The following ELMO1 variants were observed in gnomAD, a reference collection of about 807,000 sequenced individuals.
ELMO1 encodes engulfment and cell motility 1, also known as engulfment and cell motility protein 1.
A neutral mutation model predicts 98.9 loss-of-function variants in ELMO1; 26 were observed. The observed-to-expected ratio is 0.26, with a 90% CI of 0.19 to 0.36. The LOEUF (loss-of-function observed/expected upper bound fraction) is 0.36. Ranked by LOEUF, ELMO1 falls within the 10% of genes least tolerant of loss-of-function variation. ELMO1 has a pLI of 1.00. For synonymous variants in ELMO1, 346 were observed against 346.0 expected (o/e 1.00, Z 0.00); for missense variants, 627 against 935.2 (o/e 0.67, Z 4.30).
intron 1 of ELMO1, among the ~76,000 whole-genome samples, chr7:37,346,508 CTG>C (rs1361928034): frequency 6.6e-6 from 1 of 152,192 alleles, no homozygotes; most frequent in African/African-American, 2.4e-5. Flanking sequence ...AGCAAACAAT[CTG>C]TACTTCGGAC....
chr7:36,996,653 A>C (rs1792236132), intron 16 of ELMO1, among the ~76,000 whole-genome samples: 1 of 152,250 alleles, frequency 6.6e-6, no homozygotes. Flanking sequence ...TAGCTGAGTA[A>C]GTTAAGTGCT....
intron 15 of ELMO1, among the ~76,000 whole-genome samples, chr7:37,079,355 GT>G (rs1278141285): frequency 6.6e-6 from 1 of 152,138 alleles, no homozygotes; most frequent in East Asian, 1.9e-4. Flanking sequence ...TGTCTAACTT[GT>G]TGATTAGAAA....
chr7:37,398,912 A>C (rs1583687352), intron 1 of ELMO1, among the ~76,000 whole-genome samples: 1 of 152,180 alleles, frequency 6.6e-6, no homozygotes, highest in Non-Finnish European at 1.5e-5. Flanking sequence ...CTCCATGAGC[A>C]TTATTACAGC....
intron 1 of ELMO1, among the ~76,000 whole-genome samples, chr7:37,390,829 T>A (rs1803036932): frequency 6.6e-6 from 1 of 152,190 alleles, no homozygotes; most frequent in Admixed American, 6.5e-5. Flanking sequence ...CACTTTTAGA[T>A]GAGAGGACAA....
chr7:37,034,892 T>C (rs1026256599), intron 15 of ELMO1, among the ~76,000 whole-genome samples: 2 of 152,220 alleles, frequency 1.3e-5, no homozygotes, highest in Non-Finnish European at 1.5e-5. Flanking sequence ...CCAGAGCTCC[T>C]TCTTGTACAA....
chr7:37,433,722 G>A (rs1223973263), intron 1 of ELMO1, among the ~76,000 whole-genome samples: 1 of 152,096 alleles, frequency 6.6e-6, no homozygotes, highest in Non-Finnish European at 1.5e-5. Context: ...CTCAAGGAAA[G>A]CCCCCCAAAA....
chr7:37,086,814 C>G (rs1157331204), intron 15 of ELMO1, among the ~76,000 whole-genome samples: 1 of 129,180 alleles, frequency 7.7e-6, no homozygotes, highest in Non-Finnish European at 1.7e-5. Context: ...TCTCCCTTAC[C>G]AATTCTCATG....
intron 18 of ELMO1, among the ~76,000 whole-genome samples, chr7:36,881,155 C>T (rs766848571): frequency 3.3e-5 from 5 of 152,164 alleles, no homozygotes; most frequent in Non-Finnish European, 7.3e-5. Flanking sequence ...GGGCTGAAAA[C>T]GCTGAGAAAC....
chr7:37,053,488 C>T (rs1796230353), intron 15 of ELMO1, among the ~76,000 whole-genome samples: 2 of 152,176 alleles, frequency 1.3e-5, no homozygotes, highest in African/African-American at 2.4e-5. Context: ...TCCTCTTAAA[C>T]TTCCCTACTC....
intron 13 of ELMO1, chr7:37,197,087 T>C (rs1162374276): frequency 1.3e-5 from 2 of 152,232 alleles, no homozygotes; most frequent in Non-Finnish European, 2.9e-5. Flanking sequence ...AAAGGGTTAA[T>C]AAATACCCCT....
chr7:37,313,625 C>T (rs371639905), intron 4 of ELMO1, among the ~76,000 whole-genome samples: 4 of 152,160 alleles, frequency 2.6e-5, no homozygotes, highest in South Asian at 2.1e-4. Flanking sequence ...CTGGGAAGAA[C>T]GAAGCAATTT....
At chr7:37,248,541 G>C (rs969745172) in intron 6 of ELMO1, among the ~76,000 whole-genome samples, 3 of 152,236 alleles carry the variant, frequency 2.0e-5, no homozygotes, top group Non-Finnish European at 2.9e-5. Flanking sequence ...ATTTCTGGGA[G>C]AGCCCTCAAG....
At chr7:37,427,889 C>T (rs1804771675) in intron 1 of ELMO1, among the ~76,000 whole-genome samples, 1 of 152,198 alleles carries the variant, frequency 6.6e-6, no homozygotes, top group Non-Finnish European at 1.5e-5. Flanking sequence ...CTCAAGTCTG[C>T]CAGCTTGGAG....
intron 1 of ELMO1, among the ~76,000 whole-genome samples, chr7:37,403,136 CA>C (rs1243907819): frequency 6.6e-6 from 1 of 152,112 alleles, no homozygotes; most frequent in African/African-American, 2.4e-5. Flanking sequence ...TATTAGGCCA[CA>C]AAAAGACATG....
intron 1 of ELMO1, among the ~76,000 whole-genome samples, chr7:37,368,852 C>A (rs1244882180): frequency 2.6e-5 from 4 of 152,188 alleles, no homozygotes; most frequent in Non-Finnish European, 5.9e-5. Context: ...AGCATCTGGA[C>A]TACATTGGGC....
intron 4 of ELMO1, among the ~76,000 whole-genome samples, chr7:37,298,435 C>A (rs1403836539): frequency 7.6e-6 from 1 of 130,882 alleles, no homozygotes; most frequent in Non-Finnish European, 1.6e-5. Context: ...GTATATCTCC[C>A]AATGCTATCC....
intron 16 of ELMO1, among the ~76,000 whole-genome samples, chr7:36,978,098 G>T (rs1343902526): frequency 1.3e-5 from 2 of 152,156 alleles, no homozygotes; most frequent in African/African-American, 4.8e-5. Context: ...AATAAATTGA[G>T]CAAGAAAATG....
At chr7:36,980,659 AG>A (rs1790970755) in intron 16 of ELMO1, among the ~76,000 whole-genome samples, 1 of 152,246 alleles carries the variant, frequency 6.6e-6, no homozygotes, top group Admixed American at 6.5e-5. Flanking sequence ...GCAAATTAGT[AG>A]ACTTCCAAAT....
chr7:37,086,765 A>AAAAAG lies in ELMO1; in HGVS notation c.1300+9853_1300+9854insCTTTT, dbSNP rs1491293564. On this transcript the variant is annotated intron_variant, in intron 15 of 21. Coordinates refer to ENST00000310758, the MANE Select transcript of ELMO1 (RefSeq NM_014800.11). ...CTCCAAAAAAAAAAAAAAAAAAAAAAGAAATCTTTGAACTTTCTTGCCAAA... is the reference window on the plus strand; with the variant it reads ...CTCCAAAAAAAAAAAAAAAAAAAAAAAAAAGGAAATCTTTGAACTTTCTTGCCAAA... Among the ~76,000 whole-genome samples the AAAAAG allele has an allele frequency of 4.3e-3, 615 of 142,406 alleles. 11 individuals carry two copies. Among genetic ancestry groups the AAAAAG allele is most frequent in the African/African-American group, 0.015 (575 of 37,414 alleles). 93.4% of individuals were successfully genotyped at this position (142,406 alleles called of 152,430 possible).
Sources: gnomAD v4.1 joint callset for allele counts (sites outside exome capture counted in the v4.1 genomes callset) on GRCh38, gnomAD v4.1.1 for gene constraint, MANE v1.5 for transcripts, NCBI Gene and HGNC (gene_info 2026-07-23, HGNC 2026-07-21) for gene names.